The following RPGRIP1L variants were observed in gnomAD, a reference collection of about 807,000 sequenced individuals.
The protein encoded by RPGRIP1L is protein fantom.
Under a neutral mutation model 160.4 loss-of-function variants are expected in RPGRIP1L, and 131 were observed. That is an observed-to-expected ratio of 0.82 (90% CI 0.71 to 0.94). RPGRIP1L has a LOEUF of 0.94. Ranked by LOEUF, RPGRIP1L falls within the 40% of genes least tolerant of loss-of-function variation. The pLI is 0.00. For missense variants in RPGRIP1L, 1,522 were observed against 1,535.8 expected, an observed-to-expected ratio of 0.99 and a Z score of 0.15; for synonymous variants, 510 against 515.8, an observed-to-expected ratio of 0.99 and a Z score of 0.15.
chr16:53,697,703 G>C (rs938513653), intron 2 of RPGRIP1L, among the ~76,000 whole-genome samples: 2 of 152,136 alleles, frequency 1.3e-5, no homozygotes, highest in African/African-American at 4.8e-5. Context: ...GCGTGATCTC[G>C]GCTCGCTACA....
At chr16:53,675,239 T>G (rs1324879069) in intron 6 of RPGRIP1L, 117 bp from the exon 7 acceptor site, 3 of 687,630 alleles carry the variant, frequency 4.4e-6, no homozygotes, top group Non-Finnish European at 7.8e-6. Flanking sequence ...TTTATATACT[T>G]GTACATCAGT....
At chr16:53,630,519 G>T (rs892563030) in intron 22 of RPGRIP1L, among the ~76,000 whole-genome samples, 1 of 152,002 alleles carries the variant, frequency 6.6e-6, no homozygotes, top group African/African-American at 2.4e-5. Context: ...ACACTTAAGG[G>T]TCCATCAAAA....
intron 25 of RPGRIP1L, among the ~76,000 whole-genome samples, chr16:53,609,505 T>A (rs548504511): frequency 4.8e-5 from 6 of 125,338 alleles, no homozygotes; most frequent in African/African-American, 1.9e-4. Context: ...ATAAACACTT[T>A]TGGGGTAAAA....
intron 16 of RPGRIP1L, among the ~76,000 whole-genome samples, chr16:53,648,320 T>C (rs1460320127): frequency 6.6e-6 from 1 of 152,130 alleles, no homozygotes; most frequent in Non-Finnish European, 1.5e-5. Flanking sequence ...AATATTAATT[T>C]TGTATCCTAC....
intron 2 of RPGRIP1L, among the ~76,000 whole-genome samples, chr16:53,698,989 C>T (rs1433881645): frequency 1.3e-5 from 2 of 152,026 alleles, no homozygotes; most frequent in African/African-American, 4.8e-5. Context: ...GGATGGTTGC[C>T]GTGTCTGTGT....
Position 53,609,648 on chromosome 16 carries a change from C to A in RPGRIP1L, c.3701+1319G>T, listed in dbSNP as rs564186784. 9.2e-5 allele frequency among the ~76,000 whole-genome samples: 14 copies of A among 152,238 alleles called. No individual in the cohort carries two copies. The East Asian group carries it at 2.7e-3, about 30-fold the overall frequency. On this transcript the variant is annotated intron_variant, in intron 25 of 26. Transcript: ENST00000647211. ...GGAACTGAGCTCCATCCTAGACAGC[C>A]ATGGCGCAGCTTGCTGACTGGAGGG...
intron 17 of RPGRIP1L, among the ~76,000 whole-genome samples, chr16:53,642,476 A>C (rs1966288808): frequency 6.6e-6 from 1 of 152,060 alleles, no homozygotes; most frequent in African/African-American, 2.4e-5. Flanking sequence ...GGGTAGGATA[A>C]AAGGACATAA....
At chr16:53,645,533 G>T in intron 17 of RPGRIP1L, 92 bp downstream of exon 17, 1 of 1,197,672 alleles carries the variant, frequency 8.3e-7, no homozygotes, top group East Asian at 2.5e-5. Flanking sequence ...AAGAGGTTAG[G>T]GTGATTAGTT....
intron 2 of RPGRIP1L, among the ~76,000 whole-genome samples, chr16:53,697,832 G>T (rs1235085719): frequency 6.6e-6 from 1 of 151,816 alleles, no homozygotes; most frequent in East Asian, 1.9e-4. Flanking sequence ...CATCGTCTGG[G>T]ATGTGAAGAG....
At chr16:53,618,316 A>T (rs1964502118) in intron 24 of RPGRIP1L, among the ~76,000 whole-genome samples, 1 of 152,246 alleles carries the variant, frequency 6.6e-6, no homozygotes, top group Non-Finnish European at 1.5e-5. Context: ...CATCCATGTG[A>T]TGACATTGAT....
rs1963276137 is a variant in RPGRIP1L at position 53,598,922 on chromosome 16, G to A, written c.*3154C>T. The stretch of plus-strand genomic sequence containing the variant: ...TATTCTCATATTTGTTCACAGACAT[G>A]ATTCACATTTTTCTATCTAGTGCAT... On this transcript the variant is annotated 3_prime_UTR_variant, in exon 27 of 27. Coordinates refer to ENST00000647211, the MANE Select transcript of RPGRIP1L (RefSeq NM_015272.5). 1 of 152,048 alleles carries A rather than the reference G, an allele frequency of 6.6e-6. No individual in the cohort carries two copies. The highest frequency in any genetic ancestry group is 6.6e-5 in the Admixed American group (1 of 15,254). The allele number at this position is 152,048 out of a possible 1,614,324, so 9.4% of individuals were successfully genotyped here. A position where few individuals can be genotyped will look rare whatever the true frequency, so the allele number is the denominator to read the frequency against.
chr16:53,626,542 C>T (rs982039738), intron 22 of RPGRIP1L, among the ~76,000 whole-genome samples: 4 of 152,102 alleles, frequency 2.6e-5, no homozygotes, highest in Admixed American at 2.0e-4. Context: ...TGGGGACTCA[C>T]GCCTGTAATC....
intron 12 of RPGRIP1L, among the ~76,000 whole-genome samples, chr16:53,657,924 T>C (rs1237248762): frequency 6.6e-6 from 1 of 152,194 alleles, no homozygotes; most frequent in Non-Finnish European, 1.5e-5. Context: ...TGTACATTTA[T>C]TTTTATTTCA....
At chr16:53,636,300 T>A (rs1965827922) in intron 22 of RPGRIP1L, 139 bp downstream of exon 22, 1 of 674,562 alleles carries the variant, frequency 1.5e-6, no homozygotes, top group South Asian at 1.8e-5. Flanking sequence ...GATGACTACT[T>A]GGTTAAGATT....
In RPGRIP1L at chr16:53,617,073, C is replaced by CAAAAAAAAAAAAAAAAAA. The variant is rs397945611; in HGVS notation, c.3616+1934_3616+1951dup. 2.5e-3 allele frequency among the ~76,000 whole-genome samples: 55 copies of CAAAAAAAAAAAAAAAAAA among 21,840 alleles called. 5 individuals carry two copies. The highest frequency in any genetic ancestry group is 6.5e-3 in the African/African-American group (18 of 2,750). The allele number at this position is 21,840 out of a possible 152,430, so 14.3% of individuals were successfully genotyped here. ...GGCAATAGCACCAGACCTTGCATCA[C>CAAAAAAAAAAAAAAAAAA]AAAAAAAAAAAAAAAAAAAAAAAAA... On this transcript the variant is annotated intron_variant, in intron 24 of 26. Transcript: ENST00000647211.
At chr16:53,621,950 G>A (rs1278095862) in intron 23 of RPGRIP1L, among the ~76,000 whole-genome samples, 2 of 149,578 alleles carry the variant, frequency 1.3e-5, no homozygotes, top group African/African-American at 5.0e-5. Flanking sequence ...GTGAACCCAG[G>A]GGGCGGAGCT....
chr16:53,695,386 C>T, intron 3 of RPGRIP1L: 1 of 703,010 alleles, frequency 1.4e-6, no homozygotes, highest in Non-Finnish European at 2.6e-6. Context: ...CTGGAACCAC[C>T]TCCTTAGGAT....
chr16:53,667,788 G>A (rs764213659), intron 9 of RPGRIP1L, among the ~76,000 whole-genome samples: 19 of 152,010 alleles, frequency 1.2e-4, no homozygotes, highest in Non-Finnish European at 2.1e-4. Context: ...CAGAAGAATC[G>A]CTTGAACCTG....
intron 7 of RPGRIP1L, 34 bp downstream of exon 7, chr16:53,674,983 T>C: frequency 2.1e-6 from 3 of 1,400,490 alleles, no homozygotes; most frequent in East Asian, 2.3e-5. Context: ...TTTGCATCTC[T>C]GTAACATTGT....
Sources: allele counts gnomAD v4.1 joint callset (sites outside exome capture counted in the v4.1 genomes callset), GRCh38; gene constraint gnomAD v4.1.1; transcripts MANE v1.5; gene names NCBI Gene and HGNC (gene_info 2026-07-23, HGNC 2026-07-21).